Variants in TENM2 observed in about 807,000 individuals in gnomAD.
TENM2 encodes teneurin-2.
Under a neutral mutation model 245.2 loss-of-function variants are expected in TENM2, and 52 were observed. The ratio of observed to expected loss-of-function variants is 0.21; its 90% CI spans 0.17 to 0.27. TENM2 has a LOEUF of 0.27. Among genes scored for constraint, TENM2 ranks in the 10% least tolerant of loss-of-function variants. TENM2 has a pLI of 1.00. For synonymous variants in TENM2, 1,363 were observed against 1,438.9 expected (o/e 0.95, Z 1.19); for missense variants, 3,046 against 3,666.8 (o/e 0.83, Z 4.37).
intron 2 of TENM2, among the ~76,000 whole-genome samples, chr5:167,517,492 C>G (rs1770459068): frequency 6.6e-6 from 1 of 152,052 alleles, no homozygotes; most frequent in Non-Finnish European, 1.5e-5. Flanking sequence ...AATGAAGAAA[C>G]GTCTCCTAGT....
the TENM2 span, among the ~76,000 whole-genome samples, chr5:167,176,671 C>T: frequency 2.0e-5 from 3 of 152,164 alleles, no homozygotes; most frequent in Non-Finnish European, 4.4e-5. Flanking sequence ...GTAATTACTT[C>T]TCTACTCTTT....
At chr5:167,010,484 G>C in the TENM2 span, among the ~76,000 whole-genome samples, 1 of 152,190 alleles carries the variant, frequency 6.6e-6, no homozygotes, top group African/African-American at 2.4e-5. Context: ...AGCCTCTTGG[G>C]TATGTGAACA....
chr5:167,569,564 A>T (rs548254657), intron 2 of TENM2, among the ~76,000 whole-genome samples: 1 of 152,272 alleles, frequency 6.6e-6, no homozygotes, highest in South Asian at 2.1e-4. Flanking sequence ...TCCTTGTGTG[A>T]TGTCGGGTAA....
intron 14 of TENM2, 149 bp from the exon 17 acceptor site, chr5:168,195,027 A>T: frequency 1.1e-6 from 1 of 926,852 alleles, no homozygotes; most frequent in Non-Finnish European, 1.6e-6. Context: ...CCAAAATGTC[A>T]CTAGCGTGAT....
At chr5:168,110,404 A>G (rs1467629775) in intron 9 of TENM2, among the ~76,000 whole-genome samples, 1 of 152,172 alleles carries the variant, frequency 6.6e-6, no homozygotes, top group Admixed American at 6.6e-5. Context: ...TGGAAACACT[A>G]TGGGGTAAGT....
chr5:167,790,404 C>T (rs971071772), intron 2 of TENM2, among the ~76,000 whole-genome samples: 3 of 152,110 alleles, frequency 2.0e-5, no homozygotes, highest in Non-Finnish European at 2.9e-5. Flanking sequence ...TTGGGTAAAG[C>T]GATGTTCGAC....
intron 7 of TENM2, chr5:168,087,490 T>C (rs892011131): frequency 4.0e-4 from 61 of 152,290 alleles, no homozygotes; most frequent in Non-Finnish European, 1.6e-4. Flanking sequence ...GTGCCTGTAA[T>C]CCCAGCTACT....
intron 1 of TENM2, among the ~76,000 whole-genome samples, chr5:167,310,212 G>T (rs1033075507): frequency 6.6e-6 from 1 of 152,226 alleles, no homozygotes; most frequent in African/African-American, 2.4e-5. Context: ...AGTTATAGCA[G>T]CTTTCCTTAT....
At chr5:167,228,521 T>C in the TENM2 span, among the ~76,000 whole-genome samples, 3 of 152,128 alleles carry the variant, frequency 2.0e-5, 1 homozygote, top group South Asian at 4.1e-4. Flanking sequence ...AATTGTCTTT[T>C]ATCTCACTGA....
chr5:167,755,616 G>A (rs1423529080), intron 2 of TENM2, among the ~76,000 whole-genome samples: 1 of 152,020 alleles, frequency 6.6e-6, no homozygotes, highest in Non-Finnish European at 1.5e-5. Flanking sequence ...AGACCTATTT[G>A]CGGTAGCTCT....
At chr5:167,066,371 A>C in the TENM2 span, among the ~76,000 whole-genome samples, 17 of 152,152 alleles carry the variant, frequency 1.1e-4, no homozygotes, top group Non-Finnish European at 1.9e-4. Flanking sequence ...CACATTTAAA[A>C]AGAGATGATG....
At chr5:167,044,402 A>G in the TENM2 span, among the ~76,000 whole-genome samples, 1 of 152,202 alleles carries the variant, frequency 6.6e-6, no homozygotes, top group Admixed American at 6.5e-5. Context: ...AGTTTTTAAT[A>G]TGTTAAGTGT....
At chr5:167,421,330 A>G (rs1215868475) in intron 2 of TENM2, among the ~76,000 whole-genome samples, 8 of 152,214 alleles carry the variant, frequency 5.3e-5, no homozygotes, top group Non-Finnish European at 1.5e-5. Context: ...GTAGTCACTT[A>G]TATTGAAATT....
At chr5:167,399,030 C>T (rs1006920526) in intron 2 of TENM2, among the ~76,000 whole-genome samples, 1 of 152,108 alleles carries the variant, frequency 6.6e-6, no homozygotes. Context: ...GCTCTTGAAT[C>T]GATCCGACAT....
intron 2 of TENM2, among the ~76,000 whole-genome samples, chr5:167,602,037 C>T (rs1582509855): frequency 3.4e-5 from 5 of 147,342 alleles, no homozygotes. Flanking sequence ...AAAAAAAAAA[C>T]ACAGAGAAGG....
chr5:168,003,854 T>A (rs1784599286), intron 5 of TENM2, among the ~76,000 whole-genome samples: 1 of 152,224 alleles, frequency 6.6e-6, no homozygotes, highest in Non-Finnish European at 1.5e-5. Context: ...GTGTCTAATG[T>A]CGAACATCAA....
intron 2 of TENM2, among the ~76,000 whole-genome samples, chr5:167,751,680 T>A (rs1356483126): frequency 6.6e-6 from 1 of 152,182 alleles, no homozygotes; most frequent in African/African-American, 2.4e-5. Context: ...TAGATACAAC[T>A]GTTTCCAGAT....
intron 1 of TENM2, among the ~76,000 whole-genome samples, chr5:167,369,518 T>G: frequency 6.6e-6 from 1 of 152,248 alleles, no homozygotes; most frequent in East Asian, 1.9e-4. Context: ...TACAATCTAA[T>G]TATAGATTGG....
chr5:167,172,714 C>A, the TENM2 span, among the ~76,000 whole-genome samples: 158 of 150,322 alleles, frequency 1.1e-3, no homozygotes, highest in African/African-American at 3.8e-3. Context: ...TGGTCTCAAG[C>A]GATACTCCTG....
Sources: gnomAD v4.1 joint callset for allele counts (sites outside exome capture counted in the v4.1 genomes callset) on GRCh38, gnomAD v4.1.1 for gene constraint, MANE v1.5 for transcripts, NCBI Gene and HGNC (gene_info 2026-07-23, HGNC 2026-07-21) for gene names.